RIMS1: variants seen among roughly 807,000 people sequenced by gnomAD.
The protein encoded by RIMS1 is regulating synaptic membrane exocytosis 1.
RIMS1 carries 83 observed loss-of-function variants against 214.1 expected under a neutral mutation model. That is an observed-to-expected ratio of 0.39 (90% CI 0.32 to 0.47). The LOEUF is 0.47. Among genes scored for constraint, RIMS1 ranks in the 20% least tolerant of loss-of-function variants. The probability of loss-of-function intolerance (pLI) is 0.99; values close to 1 mark genes in which losing one functional copy is unlikely to be tolerated. For synonymous variants in RIMS1, 793 were observed against 786.8 expected (o/e 1.01, Z -0.13); for missense variants, 2,050 against 2,161.8 (o/e 0.95, Z 1.03).
At chr6:72,181,461 T>A (rs1005640896) in intron 5 of RIMS1, among the ~76,000 whole-genome samples, 1 of 152,316 alleles carries the variant, frequency 6.6e-6, no homozygotes, top group Non-Finnish European at 1.5e-5. Flanking sequence ...TATCTTTAAA[T>A]AAGATAGAGA....
chr6:72,190,431 C>G (rs1282509047), intron 6 of RIMS1, among the ~76,000 whole-genome samples: 1 of 145,142 alleles, frequency 6.9e-6, no homozygotes, highest in Non-Finnish European at 1.5e-5. Context: ...CCATTGCACT[C>G]CAGCCTTGGC....
intron 1 of RIMS1, among the ~76,000 whole-genome samples, chr6:71,910,143 T>C (rs939143829): frequency 1.3e-5 from 2 of 152,128 alleles, no homozygotes; most frequent in African/African-American, 2.4e-5. Flanking sequence ...GAGGTACTTA[T>C]CTGCACACAC....
chr6:72,130,137 A>C (rs2040218667), intron 4 of RIMS1, among the ~76,000 whole-genome samples: 1 of 152,058 alleles, frequency 6.6e-6, no homozygotes, highest in African/African-American at 2.4e-5. Flanking sequence ...CTTGCTGGCT[A>C]TTTTGAAGTT....
chr6:72,114,076 A>C (rs2036611984), intron 4 of RIMS1, among the ~76,000 whole-genome samples: 1 of 152,098 alleles, frequency 6.6e-6, no homozygotes, highest in Non-Finnish European at 1.5e-5. Context: ...AAAAAGTTTC[A>C]AATGTAGAAA....
At chr6:72,015,190 T>C (rs74379316) in intron 2 of RIMS1, among the ~76,000 whole-genome samples, 1,754 of 152,284 alleles carry the variant, frequency 0.012, 9 homozygotes, top group Non-Finnish European at 0.017. Context: ...TTTGAAATAA[T>C]TTTTTGCATG....
chr6:71,997,073 A>G (rs780387976), intron 2 of RIMS1, among the ~76,000 whole-genome samples: 1 of 152,196 alleles, frequency 6.6e-6, no homozygotes, highest in Admixed American at 6.6e-5. Context: ...ATTTTGTCTG[A>G]AACATTTCTT....
intron 2 of RIMS1, among the ~76,000 whole-genome samples, chr6:72,088,208 ATTTATTTAC>A (rs1301019391): frequency 2.1e-4 from 30 of 146,252 alleles, no homozygotes; most frequent in Middle Eastern, 3.5e-3. Flanking sequence ...TTTTTATTTT[ATTTATTTAC>A]TTTATTTATT....
At chr6:72,059,325 C>A (rs1199346845) in intron 2 of RIMS1, among the ~76,000 whole-genome samples, 1 of 152,170 alleles carries the variant, frequency 6.6e-6, no homozygotes, top group African/African-American at 2.4e-5. Flanking sequence ...CTCTTGGGCT[C>A]AAGCAATCCT....
At chr6:71,990,946 CAATT>C (rs1270203580) in intron 2 of RIMS1, among the ~76,000 whole-genome samples, 1 of 151,974 alleles carries the variant, frequency 6.6e-6, no homozygotes, top group Non-Finnish European at 1.5e-5. Context: ...TATTTTAAAA[CAATT>C]AAGATAACAG....
Position 71,945,929 on chromosome 6 carries a change from T to C in RIMS1, c.165-23054T>C, listed in dbSNP as rs1217323415. 5.9e-5 allele frequency among the ~76,000 whole-genome samples: 9 copies of C among 152,060 alleles called. 1 individual carries two copies. The South Asian group carries it at 1.9e-3, about 31-fold the overall frequency. ...TACGCTCAGCTAATTTTTGTATTTTTTAGTGGAGATGGGGTTTCAGAAAAC... is the reference window on the plus strand; with the variant it reads ...TACGCTCAGCTAATTTTTGTATTTTCTAGTGGAGATGGGGTTTCAGAAAAC... On this transcript the variant is annotated intron_variant, in intron 1 of 33. Transcript: ENST00000521978.
At chr6:72,333,250 T>G (rs1396222241) in intron 28 of RIMS1, among the ~76,000 whole-genome samples, 1 of 151,950 alleles carries the variant, frequency 6.6e-6, no homozygotes, top group Non-Finnish European at 1.5e-5. Context: ...TCTTAATAAT[T>G]GAAATATTTT....
intron 6 of RIMS1, among the ~76,000 whole-genome samples, chr6:72,192,019 A>C (rs971037734): frequency 6.6e-6 from 1 of 152,154 alleles, no homozygotes; most frequent in Non-Finnish European, 1.5e-5. Flanking sequence ...TTCCTACCAT[A>C]ATAGTCCTCA....
chr6:72,084,309 C>A (rs1305241028), intron 2 of RIMS1, among the ~76,000 whole-genome samples: 2 of 152,192 alleles, frequency 1.3e-5, no homozygotes, highest in Non-Finnish European at 2.9e-5. Flanking sequence ...AAACTTACTT[C>A]ATTCCTTTTA....
At chr6:72,266,834 T>A (rs2080799782) in intron 22 of RIMS1, among the ~76,000 whole-genome samples, 1 of 152,112 alleles carries the variant, frequency 6.6e-6, no homozygotes, top group Admixed American at 6.6e-5. Context: ...TATCTCTTTT[T>A]AATTAGAAGT....
At chr6:72,237,736 A>G (rs546669409) in intron 8 of RIMS1, 87 bp from the exon 9 acceptor site, 29 of 982,820 alleles carry the variant, frequency 3.0e-5, no homozygotes, top group East Asian at 7.4e-5. Context: ...CAAGTGTATC[A>G]TAAAAGAATG....
chr6:71,935,765 G>T (rs1298355337), intron 1 of RIMS1, among the ~76,000 whole-genome samples: 1 of 152,188 alleles, frequency 6.6e-6, no homozygotes, highest in East Asian at 1.9e-4. Flanking sequence ...TCAAAGCCAT[G>T]ACTAAAAGTT....
intron 29 of RIMS1, among the ~76,000 whole-genome samples, chr6:72,337,274 T>C (rs1006612430): frequency 6.6e-6 from 1 of 151,826 alleles, no homozygotes; most frequent in African/African-American, 2.4e-5. Context: ...CCTCACTCAA[T>C]ACTAACTGTA....
chr6:72,388,555 G>A (rs766636129), intron 29 of RIMS1, among the ~76,000 whole-genome samples: 1 of 152,214 alleles, frequency 6.6e-6, no homozygotes, highest in African/African-American at 2.4e-5. Context: ...GTTATGTCAA[G>A]AATATTCTGA....
At chr6:72,242,639 CCA>C (rs2067445339) in intron 10 of RIMS1, among the ~76,000 whole-genome samples, 1 of 151,672 alleles carries the variant, frequency 6.6e-6, no homozygotes, top group Non-Finnish European at 1.5e-5. Flanking sequence ...TTTAGAAGCT[CCA>C]CACTTTAACA....
Sources: allele counts gnomAD v4.1 joint callset (sites outside exome capture counted in the v4.1 genomes callset), GRCh38; gene constraint gnomAD v4.1.1; transcripts MANE v1.5; gene names NCBI Gene and HGNC (gene_info 2026-07-23, HGNC 2026-07-21).